ERBIN: variants seen among roughly 807,000 people sequenced by gnomAD.
ERBIN encodes the protein densin-180-like protein.
ERBIN carries 60 observed loss-of-function variants against 158.4 expected under a neutral mutation model. The ratio of observed to expected loss-of-function variants is 0.38; its 90% CI spans 0.31 to 0.47. The LOEUF is 0.47. Ranked by LOEUF, ERBIN falls within the 20% of genes least tolerant of loss-of-function variation. The probability of loss-of-function intolerance (pLI) is 0.99; values close to 1 mark genes in which losing one functional copy is unlikely to be tolerated. For synonymous variants in ERBIN, 594 were observed against 557.2 expected (o/e 1.07, Z -0.93); for missense variants, 1,610 against 1,648.0 (o/e 0.98, Z 0.40).
chr5:66,054,233 A>G lies in ERBIN; in HGVS notation c.2915A>G (p.Tyr972Cys), dbSNP rs200286319. ...TSGPQSAPQIYGPPQYNIQYS... is the reference protein window; with the variant it reads ...TSGPQSAPQICGPPQYNIQYS... The stretch of plus-strand genomic sequence containing the variant: ...GGCCCACAATCTGCACCTCAAATAT[A>G]TGGTCCTCCACAGTATAATATCCAA... The change falls in exon 21 of 26, where the codon TAT becomes TGT. Residue 972 changes from tyrosine to cysteine, a missense_variant. Physicochemically the swap from Tyr to Cys is radical, Grantham distance 194 (BLOSUM62 -2). Transcript: ENST00000284037. 479 of 1,614,060 alleles carry G rather than the reference A, an allele frequency of 3.0e-4. 2 individuals are homozygous for G. Among genetic ancestry groups the G allele is most frequent in the Non-Finnish European group, 4.0e-4 (469 of 1,180,020 alleles).
intron 1 of ERBIN, among the ~76,000 whole-genome samples, chr5:65,964,000 C>T (rs1400890903): frequency 1.3e-5 from 2 of 152,000 alleles, no homozygotes; most frequent in Non-Finnish European, 2.9e-5. Context: ...GGGGTTTCAC[C>T]ATGTTAGCCA....
chr5:65,988,983 C>CAA lies in ERBIN; in HGVS notation c.-10+322_-10+323dup, dbSNP rs34731955. Among the ~76,000 whole-genome samples the CAA allele has an allele frequency of 8.7e-3, 548 of 62,830 alleles. 6 individuals carry two copies. Among genetic ancestry groups the CAA allele is most frequent in the African/African-American group, 0.03 (501 of 16,706 alleles). The allele number at this position is 62,830 out of a possible 152,430, so 41.2% of individuals were successfully genotyped here. A position where few individuals can be genotyped will look rare whatever the true frequency, so the allele number is the denominator to read the frequency against. On this transcript the variant is annotated intron_variant, in intron 2 of 25. Coordinates refer to ENST00000284037, the MANE Select transcript of ERBIN (RefSeq NM_001253697.2). ...GGGCAACAGAGTGTGACCCTGTTTC[C>CAA]AAAAAAAAAAAAAAAAAAAAAAGCT...
At chr5:65,977,925 C>T (rs1750185554) in intron 1 of ERBIN, among the ~76,000 whole-genome samples, 1 of 143,980 alleles carries the variant, frequency 6.9e-6, no homozygotes, top group Admixed American at 6.9e-5. Context: ...GAGGCCGAGG[C>T]TGGCGGATCA....
At chr5:65,973,212 T>C (rs1295082380) in intron 1 of ERBIN, among the ~76,000 whole-genome samples, 3 of 150,416 alleles carry the variant, frequency 2.0e-5, no homozygotes, top group Non-Finnish European at 4.4e-5. Flanking sequence ...GTGAGAACAC[T>C]TGGACACAGG....
chr5:66,039,131 AAATT>A lies in ERBIN; in HGVS notation c.1306+654_1306+657del, dbSNP rs1391356347. Among the ~76,000 whole-genome samples the A allele has an allele frequency of 3.9e-5, 6 of 152,078 alleles. No homozygotes were observed. The East Asian group carries it at 9.6e-4, about 24-fold the overall frequency. ...ATCTCTGTGGTTTGAAATTATTTAT[AAATT>A]AATTCTTAGTACATAGAAACACTGA... On this transcript the variant is annotated intron_variant, in intron 15 of 25. Coordinates refer to ENST00000284037, the MANE Select transcript of ERBIN (RefSeq NM_001253697.2).
At chr5:66,038,605 GT>G (rs375916338) in intron 15 of ERBIN, 123 bp downstream of exon 15, 1 of 630,912 alleles carries the variant, frequency 1.6e-6, no homozygotes, top group African/African-American at 1.9e-5. Flanking sequence ...GACCAAAACA[GT>G]TTGTTTCGAA....
At chr5:66,003,923 C>CTTTT (rs35063438) in intron 4 of ERBIN, among the ~76,000 whole-genome samples, 101 of 62,644 alleles carry the variant, frequency 1.6e-3, no homozygotes, top group African/African-American at 4.6e-3. Context: ...GAGCAGCAGT[C>CTTTT]TTTTTTTTTT....
chr5:66,013,759 A>G, intron 6 of ERBIN, 121 bp downstream of exon 6: 1 of 603,160 alleles, frequency 1.7e-6, no homozygotes, highest in African/African-American at 1.9e-5. Context: ...ATTATTCCCA[A>G]GCATTGTGAC....
chr5:65,957,927 C>T (rs1173470969), intron 1 of ERBIN, among the ~76,000 whole-genome samples: 5 of 151,508 alleles, frequency 3.3e-5, no homozygotes, highest in Admixed American at 2.6e-4. Flanking sequence ...GGAGGGGCTC[C>T]TCACTTCTCA....
At chr5:66,028,770 C>G (rs1385970229) in intron 14 of ERBIN, among the ~76,000 whole-genome samples, 1 of 151,712 alleles carries the variant, frequency 6.6e-6, no homozygotes, top group African/African-American at 2.4e-5. Flanking sequence ...AATTTTGTAC[C>G]CTTTGACCAA....
At chr5:66,056,791 C>G (rs901502241) in intron 21 of ERBIN, among the ~76,000 whole-genome samples, 7 of 152,124 alleles carry the variant, frequency 4.6e-5, no homozygotes, top group African/African-American at 1.7e-4. Context: ...CTTGTTCTCT[C>G]ATCATTTGCT....
intron 2 of ERBIN, among the ~76,000 whole-genome samples, chr5:65,991,820 G>A (rs1352915745): frequency 6.6e-6 from 1 of 152,104 alleles, no homozygotes; most frequent in Non-Finnish European, 1.5e-5. Flanking sequence ...GCACCAGTGT[G>A]TAACCTTAAA....
chr5:66,067,371 G>T (rs929318394), intron 21 of ERBIN, among the ~76,000 whole-genome samples: 3 of 152,144 alleles, frequency 2.0e-5, no homozygotes, highest in Non-Finnish European at 2.9e-5. Flanking sequence ...TGCTTGTTAT[G>T]ATATTTCTGT....
chr5:65,977,691 G>A (rs892843798), intron 1 of ERBIN, among the ~76,000 whole-genome samples: 3 of 151,244 alleles, frequency 2.0e-5, no homozygotes, highest in African/African-American at 4.9e-5. Flanking sequence ...CCAGGCAGAG[G>A]GGCTCCTCAC....
At chr5:66,032,024 A>G (rs1487739742) in intron 14 of ERBIN, among the ~76,000 whole-genome samples, 1 of 151,282 alleles carries the variant, frequency 6.6e-6, no homozygotes, top group African/African-American at 2.4e-5. Flanking sequence ...AGATTTAAAG[A>G]AAAAAAAAGA....
intron 1 of ERBIN, among the ~76,000 whole-genome samples, chr5:65,938,961 G>T: frequency 6.6e-6 from 1 of 152,068 alleles, no homozygotes; most frequent in East Asian, 1.9e-4. Flanking sequence ...TCCTGAACTG[G>T]ATTTTTATTT....
At position 66,038,392 on chromosome 5, in the gene ERBIN, C is replaced by A. The variant is rs1757602732; in HGVS notation, c.1216C>A (p.Leu406Met). ...TATTTTCCTTCTCTAGTCCAAACCC[C>A]TGATACCTCTTCAAAAAGAAACTGA... ...MWLSDNQSKP[L>M]IPLQKETDSE... The change falls in exon 15 of 26, where the codon CTG (leucine) becomes ATG (methionine). Residue 406 changes from leucine to methionine, a missense_variant. Physicochemically the swap from Leu to Met is conservative, Grantham distance 15. Transcript: ENST00000284037. 1 of 1,610,648 alleles carries A rather than the reference C, an allele frequency of 6.2e-7. No homozygotes were observed. Among genetic ancestry groups the A allele is most frequent in the East Asian group, 2.2e-5 (1 of 44,750 alleles).
intron 1 of ERBIN, among the ~76,000 whole-genome samples, chr5:65,947,376 C>G (rs1392131748): frequency 6.6e-6 from 1 of 152,126 alleles, no homozygotes; most frequent in African/African-American, 2.4e-5. Flanking sequence ...ACTACAGGCA[C>G]ATGCCACCAC....
intron 1 of ERBIN, among the ~76,000 whole-genome samples, chr5:65,972,882 A>T (rs1749421453): frequency 6.6e-6 from 1 of 151,308 alleles, no homozygotes; most frequent in Admixed American, 6.6e-5. Context: ...TTCCCAGCCT[A>T]AATTAACCCC....
Sources: gnomAD v4.1 joint callset for allele counts (sites outside exome capture counted in the v4.1 genomes callset) on GRCh38, gnomAD v4.1.1 for gene constraint, MANE v1.5 for transcripts, NCBI Gene and HGNC (gene_info 2026-07-23, HGNC 2026-07-21) for gene names.